Variants in EPB41L4A observed in about 807,000 individuals in gnomAD.
The protein encoded by EPB41L4A is erythrocyte membrane protein band 4.1 like 4A, also known as band 4.1-like protein 4A.
EPB41L4A carries 100 observed loss-of-function variants against 108.6 expected under a neutral mutation model. That is an observed-to-expected ratio of 0.92 (90% CI 0.78 to 1.09). The LOEUF (loss-of-function observed/expected upper bound fraction) is 1.09, where lower values mean the gene tolerates loss of function less well. EPB41L4A is among the 50% of genes least tolerant of loss of function. EPB41L4A has a pLI of 0.00. For synonymous variants in EPB41L4A, 319 were observed against 289.0 expected (o/e 1.10, Z -1.05); for missense variants, 1,030 against 842.7 (o/e 1.22, Z -2.75).
intron 1 of EPB41L4A, among the ~76,000 whole-genome samples, chr5:112,371,857 TC>T (rs1333405128): frequency 6.6e-6 from 1 of 152,102 alleles, no homozygotes; most frequent in Non-Finnish European, 1.5e-5. Context: ...GTTAAGTCAG[TC>T]TGCAACACTG....
chr5:112,344,671 G>T (rs952026919), intron 1 of EPB41L4A, among the ~76,000 whole-genome samples: 5 of 152,220 alleles, frequency 3.3e-5, no homozygotes, highest in African/African-American at 7.2e-5. Flanking sequence ...TGAGGCTTCT[G>T]GGAGAAGAAA....
chr5:112,174,517 C>A (rs1427987940), intron 18 of EPB41L4A, among the ~76,000 whole-genome samples: 1 of 152,208 alleles, frequency 6.6e-6, no homozygotes, highest in African/African-American at 2.4e-5. Context: ...AAATATTCCA[C>A]TTTAAATTAA....
chr5:112,225,466 C>T (rs1049391842), intron 12 of EPB41L4A, among the ~76,000 whole-genome samples: 69 of 152,106 alleles, frequency 4.5e-4, no homozygotes, highest in Admixed American at 1.0e-3. Flanking sequence ...TTGAGAATGT[C>T]TCTATTGGAA....
intron 1 of EPB41L4A, among the ~76,000 whole-genome samples, chr5:112,392,401 CAAAAAAAAAAA>C (rs56256606): frequency 8.4e-5 from 3 of 35,922 alleles, no homozygotes; most frequent in African/African-American, 1.2e-4. Context: ...AAATGGAAAG[CAAAAAAAAAAA>C]AAAAAAAAAA....
chr5:112,398,165 A>C (rs369823632), intron 1 of EPB41L4A, among the ~76,000 whole-genome samples: 96 of 152,362 alleles, frequency 6.3e-4, no homozygotes, highest in African/African-American at 2.2e-3. Flanking sequence ...GAAATTACTT[A>C]GTCCAACCCA....
At chr5:112,415,973 GTA>G (rs1484355098) in intron 1 of EPB41L4A, among the ~76,000 whole-genome samples, 2 of 146,752 alleles carry the variant, frequency 1.4e-5, no homozygotes, top group African/African-American at 5.5e-5. Flanking sequence ...TATTTTTCTG[GTA>G]TTTTTTTTTT....
chr5:112,346,186 A>C (rs1031280950), intron 1 of EPB41L4A, among the ~76,000 whole-genome samples: 2 of 142,250 alleles, frequency 1.4e-5, no homozygotes, highest in African/African-American at 2.5e-5. Flanking sequence ...CACCTGGTAG[A>C]AAAAAATTCT....
At chr5:112,405,765 G>T (rs1392786897) in intron 1 of EPB41L4A, among the ~76,000 whole-genome samples, 1 of 152,082 alleles carries the variant, frequency 6.6e-6, no homozygotes, top group Non-Finnish European at 1.5e-5. Flanking sequence ...AAGAATTTCT[G>T]TACCTCTTAA....
intron 17 of EPB41L4A, among the ~76,000 whole-genome samples, chr5:112,188,675 G>GT (rs1244587203): frequency 1.3e-5 from 2 of 152,122 alleles, no homozygotes; most frequent in African/African-American, 4.8e-5. Context: ...CACTAGCTTT[G>GT]TACGAACTCT....
intron 1 of EPB41L4A, among the ~76,000 whole-genome samples, chr5:112,407,000 C>T (rs1055543904): frequency 1.3e-5 from 2 of 152,014 alleles, no homozygotes; most frequent in Non-Finnish European, 2.9e-5. Flanking sequence ...TGGGTAGCAT[C>T]GTGGGGCTGA....
At chr5:112,158,598 G>C (rs1759731535), downstream of EPB41L4A, among the ~76,000 whole-genome samples, 1 of 152,146 alleles carries the variant, frequency 6.6e-6, no homozygotes, top group Non-Finnish European at 1.5e-5. Flanking sequence ...AAAATAAAAA[G>C]GTTTAATTAA....
chr5:112,374,007 C>T (rs10478084), intron 1 of EPB41L4A, among the ~76,000 whole-genome samples: 8,451 of 152,222 alleles, frequency 0.056, 498 homozygotes, highest in African/African-American at 0.15. Flanking sequence ...CTCATGTATA[C>T]ACTTGTCAGT....
intron 18 of EPB41L4A, among the ~76,000 whole-genome samples, chr5:112,179,283 C>T (rs754120692): frequency 1.6e-4 from 25 of 151,972 alleles, no homozygotes; most frequent in Non-Finnish European, 2.9e-4. Flanking sequence ...GAAAAAAATG[C>T]TTTTATATTA....
At chr5:112,296,524 T>C (rs1753993959) in intron 2 of EPB41L4A, among the ~76,000 whole-genome samples, 1 of 152,162 alleles carries the variant, frequency 6.6e-6, no homozygotes, top group Non-Finnish European at 1.5e-5. Flanking sequence ...CAGGAATATA[T>C]TATAATGGAC....
At chr5:112,195,442 A>G (rs1020783212) in intron 16 of EPB41L4A, among the ~76,000 whole-genome samples, 1 of 151,502 alleles carries the variant, frequency 6.6e-6, no homozygotes, top group Admixed American at 6.6e-5. Flanking sequence ...ATGGCAACAG[A>G]TAAATAAGAC....
intron 1 of EPB41L4A, among the ~76,000 whole-genome samples, chr5:112,363,225 T>C (rs912832373): frequency 1.4e-4 from 22 of 152,132 alleles, no homozygotes; most frequent in Admixed American, 7.2e-4. Context: ...AACTTTATTA[T>C]AGAAGAATTT....
chr5:112,227,332 G>C (rs935289161), intron 12 of EPB41L4A, among the ~76,000 whole-genome samples: 5 of 152,114 alleles, frequency 3.3e-5, no homozygotes, highest in African/African-American at 1.2e-4. Context: ...TGCCATTACA[G>C]CGAATATACC....
chr5:112,328,505 T>C (rs191105517), intron 1 of EPB41L4A, among the ~76,000 whole-genome samples: 30 of 152,340 alleles, frequency 2.0e-4, no homozygotes, highest in Admixed American at 1.6e-3. Flanking sequence ...GGGATATTGC[T>C]ATATAAATAA....
At chr5:112,284,275 C>T (rs1043465732) in intron 2 of EPB41L4A, among the ~76,000 whole-genome samples, 9 of 152,092 alleles carry the variant, frequency 5.9e-5, no homozygotes, top group Admixed American at 1.3e-4. Flanking sequence ...CTTTTGGAGT[C>T]TCCTAGAGTT....
Sources: allele counts gnomAD v4.1 joint callset (sites outside exome capture counted in the v4.1 genomes callset), GRCh38; gene constraint gnomAD v4.1.1; transcripts MANE v1.5; gene names NCBI Gene and HGNC (gene_info 2026-07-23, HGNC 2026-07-21).